Variants in KIAA1217 observed in about 807,000 individuals in gnomAD.
KIAA1217 encodes the protein KIAA1217.
Under a neutral mutation model 163.9 loss-of-function variants are expected in KIAA1217, and 88 were observed. The ratio of observed to expected loss-of-function variants is 0.54; its 90% CI spans 0.45 to 0.64. KIAA1217 has a LOEUF of 0.64. KIAA1217 is among the 30% of genes least tolerant of loss of function. The pLI is 0.00. For synonymous variants in KIAA1217, 903 were observed against 923.1 expected (o/e 0.98, Z 0.39); for missense variants, 2,372 against 2,475.0 (o/e 0.96, Z 0.88).
intron 1 of KIAA1217, among the ~76,000 whole-genome samples, chr10:23,719,767 A>G (rs1837765929): frequency 2.0e-5 from 3 of 151,372 alleles, no homozygotes; most frequent in African/African-American, 7.3e-5. Context: ...AAATACAAAA[A>G]ATTAGCTGGG....
intron 1 of KIAA1217, among the ~76,000 whole-genome samples, chr10:23,887,717 C>G (rs1841243669): frequency 6.6e-6 from 1 of 151,622 alleles, no homozygotes; most frequent in African/African-American, 2.4e-5. Flanking sequence ...TTAGTTTTTA[C>G]TTGTTTACTT....
intron 3 of KIAA1217, among the ~76,000 whole-genome samples, chr10:24,383,630 G>C (rs1591485920): frequency 1.3e-5 from 2 of 152,324 alleles, no homozygotes; most frequent in Admixed American, 1.3e-4. Context: ...CCTGTGAGGG[G>C]CTTTTTGGCC....
rs756395776 is a variant in KIAA1217, at chr10:24,380,876, G to A, written c.362G>A (p.Ser121Asn). 3.3e-5 allele frequency: 51 copies of A among 1,526,700 alleles called. No homozygotes were observed. The highest frequency in any genetic ancestry group is 4.2e-5 in the Non-Finnish European group (48 of 1,134,716). The allele number at this position is 1,526,700 out of a possible 1,614,324, so 94.6% of individuals were successfully genotyped here. A position where few individuals can be genotyped will look rare whatever the true frequency, so the allele number is the denominator to read the frequency against. Residue 121 changes from serine to asparagine, a missense_variant, in exon 3 of 21, where the codon AGC becomes AAC. Transcript: ENST00000376454. Reference sequence around the variant, plus strand: ...TTAAAATGCCTTTTGCAGACAAGGAGCCCCAAACTGTCTCACAGTCCTCAA... The same window carrying A: ...TTAAAATGCCTTTTGCAGACAAGGAACCCCAAACTGTCTCACAGTCCTCAA... ...HQERLRDQTR[S>N]PKLSHSPQPP... is the part of the protein sequence containing the mutation.
chr10:23,882,655 A>G lies in KIAA1217; in HGVS notation c.-320-124570A>G, dbSNP rs575019536. On this transcript the variant is annotated intron_variant, in intron 1 of 18. Transcript: ENST00000376462. Reference sequence around the variant, plus strand: ...AAAAAGAAAGAAAACCTGAACTTCAATCTGTGTTCGTCACTCAAGATAGCA... The same window carrying G: ...AAAAAGAAAGAAAACCTGAACTTCAGTCTGTGTTCGTCACTCAAGATAGCA... Among the ~76,000 whole-genome samples the G allele has an allele frequency of 1.8e-4, 28 of 152,074 alleles. 1 individual carries two copies. The South Asian group carries it at 5.0e-3, about 27-fold the overall frequency.
chr10:24,495,097 AAAAG>A, intron 7 of KIAA1217, 46 bp from the exon 8 acceptor site: 1 of 1,530,140 alleles, frequency 6.5e-7, no homozygotes, highest in Non-Finnish European at 8.9e-7. Flanking sequence ...AAAAAAAAAA[AAAAG>A]GCATTTTGGA....
chr10:23,759,803 G>T (rs1564397137), intron 1 of KIAA1217, among the ~76,000 whole-genome samples: 1 of 152,142 alleles, frequency 6.6e-6, no homozygotes, highest in East Asian at 1.9e-4. Context: ...TGAGCCTCCA[G>T]TCCCCATGTG....
At chr10:23,804,187 C>T (rs1836626673) in intron 1 of KIAA1217, among the ~76,000 whole-genome samples, 1 of 151,934 alleles carries the variant, frequency 6.6e-6, no homozygotes, top group South Asian at 2.1e-4. Context: ...TGGTTCTTCA[C>T]CTTTATTAGG....
At position 24,118,261 on chromosome 10, in the gene KIAA1217, G is replaced by A. The variant is rs75061935; in HGVS notation, c.-170-101365G>A. On this transcript the variant is annotated intron_variant, in intron 2 of 18. Coordinates refer to the KIAA1217 transcript ENST00000376462. ...GAGGTAAGATGTGGTTGCAATAGGGGTGATGACAAACAGGGCCCTATAATG... is the reference window on the plus strand; with the variant it reads ...GAGGTAAGATGTGGTTGCAATAGGGATGATGACAAACAGGGCCCTATAATG... Among the ~76,000 whole-genome samples the A allele has an allele frequency of 3.4e-3, 511 of 152,212 alleles. 8 individuals carry two copies. Among genetic ancestry groups the A allele is most frequent in the Admixed American group, 0.019 (290 of 15,298 alleles).
At chr10:23,716,093 A>G (rs1426085928) in intron 1 of KIAA1217, among the ~76,000 whole-genome samples, 2 of 152,182 alleles carry the variant, frequency 1.3e-5, no homozygotes, top group Non-Finnish European at 2.9e-5. Flanking sequence ...CGTTCTGACT[A>G]ACGCTGCATG....
chr10:23,759,344 C>G (rs571414756), intron 1 of KIAA1217, among the ~76,000 whole-genome samples: 9 of 152,244 alleles, frequency 5.9e-5, no homozygotes, highest in African/African-American at 2.2e-4. Flanking sequence ...TAAGAACATG[C>G]CATATGTGAA....
At chr10:23,749,038 A>T (rs1839588037) in intron 1 of KIAA1217, among the ~76,000 whole-genome samples, 1 of 152,074 alleles carries the variant, frequency 6.6e-6, no homozygotes. Flanking sequence ...ACCACATCTA[A>T]CATTTTTGTT....
chr10:23,736,425 T>A (rs1225560779), intron 1 of KIAA1217, among the ~76,000 whole-genome samples: 1 of 152,220 alleles, frequency 6.6e-6, no homozygotes, highest in Non-Finnish European at 1.5e-5. Flanking sequence ...TTTTCCTGTA[T>A]GAGAGACTCA....
chr10:24,461,890 G>T lies in KIAA1217; in HGVS notation c.847-11338G>T, dbSNP rs189798087. Among the ~76,000 whole-genome samples the T allele has an allele frequency of 1.8e-4, 28 of 152,262 alleles. No individual in the cohort carries two copies. The East Asian group carries it at 5.2e-3, about 28-fold the overall frequency. On this transcript the variant is annotated intron_variant, in intron 5 of 20. Coordinates refer to ENST00000376454, the MANE Select transcript of KIAA1217 (RefSeq NM_019590.5). ...GCAGCGATGGAGACCCTGTGCCTCT[G>T]TGGGTGGTGCATGCATCTCTGAGGG...
At position 23,789,960 on chromosome 10, in the gene KIAA1217, CACATATACATATACAT is replaced by C. The variant is rs1564421068; in HGVS notation, c.-321+94728_-321+94743del. On this transcript the variant is annotated intron_variant, in intron 1 of 18. Coordinates refer to the KIAA1217 transcript ENST00000376462. ...ACATATACATATACATGTATATATA[CACATATACATATACAT>C]ATATACACATATACATATACACATA... Among the ~76,000 whole-genome samples the C allele has an allele frequency of 1.3e-4, 17 of 126,578 alleles. 3 individuals carry two copies. The highest frequency in any genetic ancestry group is 2.3e-4 in the Non-Finnish European group (14 of 61,416). 83.0% of individuals were successfully genotyped at this position (126,578 alleles called of 152,430 possible).
At chr10:24,230,931 A>T (rs2131082576) in intron 2 of KIAA1217, among the ~76,000 whole-genome samples, 1 of 152,282 alleles carries the variant, frequency 6.6e-6, no homozygotes, top group Non-Finnish European at 1.5e-5. Context: ...AAATCCAGTT[A>T]TCTTCCTGTG....
intron 5 of KIAA1217, among the ~76,000 whole-genome samples, chr10:24,443,074 C>A (rs1591983275): frequency 6.6e-6 from 1 of 152,144 alleles, no homozygotes; most frequent in East Asian, 1.9e-4. Context: ...CTATACCTGG[C>A]TAATTTTTGT....
chr10:24,523,216 G>A, intron 12 of KIAA1217, among the ~76,000 whole-genome samples: 1 of 151,890 alleles, frequency 6.6e-6, no homozygotes, highest in East Asian at 1.9e-4. Flanking sequence ...CAGCTACTTA[G>A]GAGGCTGAGG....
chr10:24,177,622 T>C (rs2065973922), intron 2 of KIAA1217, among the ~76,000 whole-genome samples: 1 of 151,922 alleles, frequency 6.6e-6, no homozygotes, highest in South Asian at 2.1e-4. Flanking sequence ...CTACTACTTT[T>C]ACTAATGTCT....
intron 2 of KIAA1217, among the ~76,000 whole-genome samples, chr10:24,308,466 C>T (rs1010031085): frequency 2.0e-5 from 3 of 152,364 alleles, no homozygotes; most frequent in Non-Finnish European, 4.4e-5. Context: ...AGGCCAGTTT[C>T]TAAATTGCAG....
Sources: gnomAD v4.1 joint callset for allele counts (sites outside exome capture counted in the v4.1 genomes callset) on GRCh38, gnomAD v4.1.1 for gene constraint, MANE v1.5 for transcripts, NCBI Gene and HGNC (gene_info 2026-07-23, HGNC 2026-07-21) for gene names.